Variants in SAMD12 observed in about 807,000 individuals in gnomAD.
SAMD12 encodes the protein sterile alpha motif domain containing 12.
A neutral mutation model predicts 15.0 loss-of-function variants in SAMD12; 9 were observed. The ratio of observed to expected loss-of-function variants is 0.60; its 90% CI spans 0.36 to 1.05. The LOEUF (loss-of-function observed/expected upper bound fraction) is 1.05, where lower values mean the gene tolerates loss of function less well. Among genes scored for constraint, SAMD12 ranks in the 50% least tolerant of loss-of-function variants. The pLI, the probability that SAMD12 is intolerant of heterozygous loss-of-function variation, is 0.01. For synonymous variants in SAMD12, 86 were observed against 90.1 expected (o/e 0.96, Z 0.25); for missense variants, 230 against 234.2 (o/e 0.98, Z 0.12).
chr8:118,456,492 T>A (rs958391034), intron 2 of SAMD12, among the ~76,000 whole-genome samples: 6 of 152,244 alleles, frequency 3.9e-5, no homozygotes, highest in Admixed American at 3.9e-4. Context: ...ATACAATAAG[T>A]ATGGAGCTCT....
intron 3 of SAMD12, among the ~76,000 whole-genome samples, chr8:118,405,569 T>C (rs941479798): frequency 3.3e-5 from 5 of 152,206 alleles, no homozygotes; most frequent in African/African-American, 1.2e-4. Context: ...TAGTCTTATG[T>C]CTAGATCTGA....
At chr8:118,578,270 C>T (rs1827200168) in intron 2 of SAMD12, among the ~76,000 whole-genome samples, 1 of 152,138 alleles carries the variant, frequency 6.6e-6, no homozygotes, top group African/African-American at 2.4e-5. Flanking sequence ...TTTCTTTAGC[C>T]AGTGTCCTGT....
intron 2 of SAMD12, among the ~76,000 whole-genome samples, chr8:118,573,292 G>T (rs982177986): frequency 1.3e-5 from 2 of 152,090 alleles, no homozygotes; most frequent in Non-Finnish European, 2.9e-5. Context: ...CACCATGTTG[G>T]CCATGCTGGT....
chr8:118,536,318 G>T (rs1268519162), intron 2 of SAMD12, among the ~76,000 whole-genome samples: 1 of 151,912 alleles, frequency 6.6e-6, no homozygotes, highest in Non-Finnish European at 1.5e-5. Flanking sequence ...CCTACCTGTA[G>T]ATTTTACAGA....
chr8:118,142,252 G>T, the SAMD12 span, among the ~76,000 whole-genome samples: 1 of 152,098 alleles, frequency 6.6e-6, no homozygotes, highest in Non-Finnish European at 1.5e-5. Context: ...GCCATAAACC[G>T]AAATGACATT....
At chr8:118,316,860 G>C (rs1350899213) in intron 4 of SAMD12, among the ~76,000 whole-genome samples, 1 of 114,832 alleles carries the variant, frequency 8.7e-6, no homozygotes, top group Non-Finnish European at 1.7e-5. Context: ...TCACTCTGTT[G>C]CCCAGGCTGG....
chr8:118,552,309 C>T (rs2131184855), intron 2 of SAMD12, among the ~76,000 whole-genome samples: 1 of 152,232 alleles, frequency 6.6e-6, no homozygotes, highest in African/African-American at 2.4e-5. Flanking sequence ...TCCAGCAGCA[C>T]ATCAAAAAGC....
At chr8:118,563,050 T>C (rs940331386) in intron 2 of SAMD12, among the ~76,000 whole-genome samples, 2 of 152,210 alleles carry the variant, frequency 1.3e-5, no homozygotes, top group Non-Finnish European at 2.9e-5. Context: ...ATTTTAAAGA[T>C]AGAGGACATT....
intron 2 of SAMD12, among the ~76,000 whole-genome samples, chr8:118,572,269 C>A (rs533778804): frequency 1.3e-5 from 2 of 152,170 alleles, no homozygotes; most frequent in Non-Finnish European, 2.9e-5. Flanking sequence ...AAGTAACTAA[C>A]CTGCTTTTGA....
intron 2 of SAMD12, among the ~76,000 whole-genome samples, chr8:118,553,217 T>C (rs1826404691): frequency 6.6e-6 from 1 of 152,072 alleles, no homozygotes; most frequent in Non-Finnish European, 1.5e-5. Flanking sequence ...AAAGCCCACA[T>C]CGCCAAGGCA....
intron 4 of SAMD12, among the ~76,000 whole-genome samples, chr8:118,311,231 A>G (rs1288909888): frequency 6.6e-6 from 1 of 152,240 alleles, no homozygotes; most frequent in Admixed American, 6.5e-5. Context: ...TTATATGATA[A>G]AAGGATTTCT....
chr8:118,598,932 A>C (rs1326889070), intron 1 of SAMD12, among the ~76,000 whole-genome samples: 1 of 152,224 alleles, frequency 6.6e-6, no homozygotes, highest in Non-Finnish European at 1.5e-5. Context: ...AGAACCACTG[A>C]GTAAGGCACT....
chr8:118,429,016 T>G (rs983730062), intron 3 of SAMD12, among the ~76,000 whole-genome samples: 2 of 152,230 alleles, frequency 1.3e-5, no homozygotes, highest in Non-Finnish European at 2.9e-5. Flanking sequence ...AGTGAATCTA[T>G]AGGTCATTAG....
At chr8:118,547,381 CT>C (rs1462469373) in intron 2 of SAMD12, among the ~76,000 whole-genome samples, 1 of 152,118 alleles carries the variant, frequency 6.6e-6, no homozygotes, top group East Asian at 1.9e-4. Context: ...TTTCTCCCCT[CT>C]GTTATCCCCA....
At chr8:118,610,398 C>T (rs970658467) in intron 1 of SAMD12, among the ~76,000 whole-genome samples, 4 of 152,142 alleles carry the variant, frequency 2.6e-5, no homozygotes, top group Admixed American at 6.5e-5. Context: ...GAAAGCAACA[C>T]AGTAGAGTGA....
chr8:118,237,695 T>C (rs1812465772), intron 4 of SAMD12, among the ~76,000 whole-genome samples: 1 of 152,176 alleles, frequency 6.6e-6, no homozygotes, highest in Non-Finnish European at 1.5e-5. Context: ...TGTAGGACCT[T>C]GATTGGGACT....
chr8:118,546,306 A>G (rs2131163717), intron 2 of SAMD12, among the ~76,000 whole-genome samples: 1 of 152,276 alleles, frequency 6.6e-6, no homozygotes, highest in Middle Eastern at 3.4e-3. Flanking sequence ...GGGTTTCTGT[A>G]AATCCCAGCC....
At chr8:118,412,545 C>T (rs1821464458) in intron 3 of SAMD12, among the ~76,000 whole-genome samples, 1 of 152,106 alleles carries the variant, frequency 6.6e-6, no homozygotes, top group Admixed American at 6.6e-5. Context: ...AAGTCGGGAG[C>T]ATGGAGGATT....
intron 2 of SAMD12, among the ~76,000 whole-genome samples, chr8:118,473,262 C>T (rs989044164): frequency 6.6e-6 from 1 of 152,208 alleles, no homozygotes; most frequent in Admixed American, 6.5e-5. Context: ...CTTGCTCTGT[C>T]CCCTGGTGGT....
Sources: gnomAD v4.1 joint callset for allele counts (sites outside exome capture counted in the v4.1 genomes callset) on GRCh38, gnomAD v4.1.1 for gene constraint, MANE v1.5 for transcripts, NCBI Gene and HGNC (gene_info 2026-07-23, HGNC 2026-07-21) for gene names.